Variants in KIF26B observed in about 807,000 individuals in gnomAD.
KIF26B encodes the protein kinesin-like protein KIF26B.
KIF26B carries 63 observed loss-of-function variants against 151.2 expected under a neutral mutation model. The observed-to-expected ratio is 0.42, with a 90% CI of 0.34 to 0.51. The LOEUF is 0.51. Among genes scored for constraint, KIF26B ranks in the 20% least tolerant of loss-of-function variants. KIF26B has a pLI of 0.07. For synonymous variants in KIF26B, 1,357 were observed against 1,262.1 expected, an observed-to-expected ratio of 1.08 and a Z score of -1.59; for missense variants, 2,813 against 2,913.6, an observed-to-expected ratio of 0.97 and a Z score of 0.79.
chr1:245,698,240 T>G lies in KIF26B; in HGVS notation c.5959T>G (p.Phe1987Val). The G allele has an allele frequency of 1.2e-6, 2 of 1,613,782 alleles. No homozygotes were observed. The highest frequency in any genetic ancestry group is 1.6e-4 in the Middle Eastern group (1 of 6,062). The change falls in exon 13 of 15, where the codon TTT (phenylalanine) becomes GTT (valine). Residue 1987 changes from phenylalanine (F) to valine (V), a missense_variant. Physicochemically the swap from Phe to Val is conservative, Grantham distance 50. Coordinates refer to ENST00000407071, the MANE Select transcript of KIF26B (RefSeq NM_018012.4). The surrounding 1 kb of genome is among the most constrained non-coding windows in gnomAD (Gnocchi z 4.0). ...RSSPRGLGEP[F>V]EIKVYEIDDV... ...CAGCCCGAGGGGCCTTGGGGAACCC[T>G]TTGAGATTAAAGTCTATGAAATCGA... is the stretch of plus-strand genomic sequence containing the variant.
At chr1:245,694,880 G>A (rs2044670566) in intron 12 of KIF26B, among the ~76,000 whole-genome samples, 1 of 152,214 alleles carries the variant, frequency 6.6e-6, no homozygotes, top group African/African-American at 2.4e-5. Context: ...TACATGCCTG[G>A]ACCAAATGCC....
At chr1:245,691,191 G>A (rs775447878) in intron 12 of KIF26B, among the ~76,000 whole-genome samples, 1 of 152,134 alleles carries the variant, frequency 6.6e-6, no homozygotes, top group African/African-American at 2.4e-5. Context: ...TTGGTTTGGC[G>A]GTTACAGTGG....
chr1:245,686,608 A>G lies in KIF26B; in HGVS notation c.3625A>G (p.Ser1209Gly). ...SGVLDSGRPT[S>G]IISFNSDCSA... ...GGTCCTGGACAGCGGCCGCCCCACC[A>G]GCATCATCAGCTTCAACAGCGACTG... is the stretch of plus-strand genomic sequence containing the variant. The change falls in exon 12 of 15, where the codon AGC becomes GGC. Residue 1209 changes from serine (S) to glycine (G), a missense_variant. Physicochemically the swap from Ser to Gly is moderately conservative, Grantham distance 56. Transcript: ENST00000407071. This position sits in a 1 kb window ranked among gnomAD's most constrained non-coding sequence, Gnocchi z 5.6. The G allele has an allele frequency of 6.2e-7, 1 of 1,611,530 alleles. No individual in the cohort carries two copies.
At chr1:245,284,920 T>A (rs906642941) in intron 2 of KIF26B, among the ~76,000 whole-genome samples, 1 of 152,146 alleles carries the variant, frequency 6.6e-6, no homozygotes, top group Non-Finnish European at 1.5e-5. Context: ...ATGCCTGTAA[T>A]CCCAGCTGCT....
At position 245,602,440 on chromosome 1, in the gene KIF26B, C is replaced by A; in HGVS notation, c.1351-137C>A. On this transcript the variant is annotated intron_variant, in intron 5 of 14. Transcript: ENST00000407071. This position sits in a 1 kb window ranked among gnomAD's most constrained non-coding sequence, Gnocchi z 4.5. ...CACCAAGGATGATGTTGCTAATTCA[C>A]TGTGCATTTCATCATAATTTATCCT... 1 of 662,294 alleles carries A rather than the reference C, an allele frequency of 1.5e-6. No homozygotes were observed. The highest frequency in any genetic ancestry group is 2.6e-6 in the Non-Finnish European group (1 of 379,838). 41.0% of individuals were successfully genotyped at this position (662,294 alleles called of 1,614,324 possible).
intron 2 of KIF26B, among the ~76,000 whole-genome samples, chr1:245,203,998 T>C (rs1461660921): frequency 6.6e-6 from 1 of 152,240 alleles, no homozygotes; most frequent in African/African-American, 2.4e-5. Context: ...CAGTTCCTAA[T>C]CATACTCCAG....
At chr1:245,449,639 C>T (rs144934943) in intron 4 of KIF26B, among the ~76,000 whole-genome samples, 14 of 152,008 alleles carry the variant, frequency 9.2e-5, no homozygotes, top group African/African-American at 1.4e-4. Context: ...CTGGCTAGCC[C>T]GAAGCTCTTT....
Position 245,698,927 on chromosome 1 carries a change from A to G in KIF26B, c.6068A>G (p.His2023Arg), listed in dbSNP as rs752213061. The G allele has an allele frequency of 5.6e-6, 9 of 1,613,996 alleles. No individual in the cohort carries two copies. Among genetic ancestry groups the G allele is most frequent in the Non-Finnish European group, 2.5e-6 (3 of 1,179,886 alleles). Residue 2023 changes from histidine to arginine, a missense_variant, in exon 14 of 15, where the codon CAC (histidine) becomes CGC (arginine). Transcript: ENST00000407071. The surrounding 1 kb of genome is among the most constrained non-coding windows in gnomAD (Gnocchi z 4.0). ...AATGCAAAGCTGAAGATTCTGGAAC[A>G]CCGCCAGCAGAGGATCGCCGAGGTC... ...CFNAKLKILEHRQQRIAEVRA... is the reference protein window; with the variant it reads ...CFNAKLKILERRQQRIAEVRA...
chr1:245,156,752 T>C (rs1668444078), intron 2 of KIF26B, 69 bp downstream of exon 2: 3 of 1,027,308 alleles, frequency 2.9e-6, no homozygotes, highest in Non-Finnish European at 3.9e-6. Context: ...CCACAGCAGC[T>C]GCTCAGCCCG....
chr1:245,597,095 A>G lies in KIF26B; in HGVS notation c.1351-5482A>G, dbSNP rs151313884. On this transcript the variant is annotated intron_variant, in intron 5 of 14. Transcript: ENST00000407071. This position sits in a 1 kb window ranked among gnomAD's most constrained non-coding sequence, Gnocchi z 4.6. Reference sequence around the variant, plus strand: ...GACTCTTTATCCAATTTGCCAGTCTATATCTTTTAATTGGGGCATTTAGCC... The same window carrying G: ...GACTCTTTATCCAATTTGCCAGTCTGTATCTTTTAATTGGGGCATTTAGCC... 5.2e-3 allele frequency among the ~76,000 whole-genome samples: 790 copies of G among 152,238 alleles called. 12 individuals are homozygous for G. The highest frequency in any genetic ancestry group is 0.018 in the African/African-American group (744 of 41,538).
chr1:245,385,693 C>T (rs548883137), intron 3 of KIF26B, among the ~76,000 whole-genome samples: 254 of 152,274 alleles, frequency 1.7e-3, no homozygotes, highest in African/African-American at 5.2e-3. Context: ...GGACTTCATC[C>T]GTTAGCTCTA....
intron 4 of KIF26B, among the ~76,000 whole-genome samples, chr1:245,522,087 T>A (rs968327995): frequency 2.0e-5 from 3 of 152,150 alleles, no homozygotes; most frequent in South Asian, 2.1e-4. Flanking sequence ...GCCAGGATGG[T>A]CTCGATCTCC....
intron 4 of KIF26B, among the ~76,000 whole-genome samples, chr1:245,538,940 T>C (rs1274093793): frequency 6.6e-6 from 1 of 152,098 alleles, no homozygotes; most frequent in African/African-American, 2.4e-5. Flanking sequence ...GAATGACTGG[T>C]CATTGAATAA....
In KIF26B at chr1:245,520,051, A is replaced by T. The variant is rs141180773; in HGVS notation, c.1167-20716A>T. Among the ~76,000 whole-genome samples the T allele has an allele frequency of 2.0e-5, 3 of 152,016 alleles. No individual in the cohort carries two copies. In the East Asian group the frequency reaches 5.8e-4, roughly 29 times the overall value. ...TACCCTGAAAATATAATTTTGAAAA[A>T]TATCTACATTTTTTAAAAATTAAAT... is the stretch of plus-strand genomic sequence containing the variant. On this transcript the variant is annotated intron_variant, in intron 4 of 14. Transcript: ENST00000407071.
In KIF26B at chr1:245,698,048, A is replaced by G; in HGVS notation, c.5825-58A>G. 1.3e-6 allele frequency: 2 copies of G among 1,516,044 alleles called. No individual in the cohort carries two copies. Among genetic ancestry groups the G allele is most frequent in the South Asian group, 2.5e-5 (2 of 81,576 alleles). 93.9% of individuals were successfully genotyped at this position (1,516,044 alleles called of 1,614,324 possible). ...CAGAGCAAGACCCTGTCTCAAAAAA[A>G]CAACAAAAAAATTGAAATTCAGAAA... On this transcript the variant is annotated intron_variant, in intron 12 of 14. Transcript: ENST00000407071. This position sits in a 1 kb window ranked among gnomAD's most constrained non-coding sequence, Gnocchi z 4.0.
chr1:245,340,033 G>T (rs1437982432), intron 2 of KIF26B, among the ~76,000 whole-genome samples: 1 of 152,182 alleles, frequency 6.6e-6, no homozygotes, highest in African/African-American at 2.4e-5. Flanking sequence ...AAGGTATGAG[G>T]AGTCGTCTTT....
rs937985777 is a variant in KIF26B, at chr1:245,239,522, T to G, written c.465+82839T>G. On this transcript the variant is annotated intron_variant, in intron 2 of 14. Transcript: ENST00000407071. This position sits in a 1 kb window ranked among gnomAD's most constrained non-coding sequence, Gnocchi z 4.3. ...TTTGTTTGGGTTTTCATTGTTGTTT[T>G]AGACAGAGTCTCTCTCTGTCGCCCA... Among the ~76,000 whole-genome samples, 1 of 152,158 alleles carries G rather than the reference T, an allele frequency of 6.6e-6. No homozygotes were observed. The highest frequency in any genetic ancestry group is 1.9e-4 in the East Asian group (1 of 5,180).
intron 2 of KIF26B, among the ~76,000 whole-genome samples, chr1:245,246,946 G>GACACAC (rs55885165): frequency 7.0e-6 from 1 of 143,864 alleles, no homozygotes; most frequent in Non-Finnish European, 1.5e-5. Context: ...CACAGATACA[G>GACACAC]ACACACACAC....
chr1:245,353,552 G>A (rs1353375008), intron 2 of KIF26B: 1 of 152,520 alleles, frequency 6.6e-6, no homozygotes, highest in African/African-American at 2.4e-5. Context: ...GATTCATGAG[G>A]TGGGGGTCTA....
Sources: allele counts gnomAD v4.1 joint callset (sites outside exome capture counted in the v4.1 genomes callset), GRCh38; gene constraint gnomAD v4.1.1; non-coding constraint Gnocchi (gnomAD v3.1); transcripts MANE v1.5; gene names NCBI Gene and HGNC (gene_info 2026-07-23, HGNC 2026-07-21).